The following SINHCAF variants were observed in gnomAD, a reference collection of about 807,000 sequenced individuals.
SINHCAF encodes the protein SIN3-HDAC complex-associated factor.
In SINHCAF, 3 loss-of-function variants were observed where a neutral mutation model predicts 25.8. That is an observed-to-expected ratio of 0.12 (90% confidence interval 0.05 to 0.30). SINHCAF has a LOEUF of 0.30. Among genes scored for constraint, SINHCAF ranks in the 10% least tolerant of loss-of-function variants. The pLI is 1.00. For synonymous variants in SINHCAF, 70 were observed against 85.5 expected, an observed-to-expected ratio of 0.82 and a Z score of 1.00; for missense variants, 121 against 262.3, an observed-to-expected ratio of 0.46 and a Z score of 3.72.
At chr12:31,311,812 G>C (rs1939282824) in intron 1 of SINHCAF, 6 of 488,234 alleles carry the variant, frequency 1.2e-5, no homozygotes, top group South Asian at 1.1e-4. Context: ...TGGGGTGGTG[G>C]GTCAGACCAA....
At chr12:31,322,756 A>G (rs960074991) in intron 1 of SINHCAF, among the ~76,000 whole-genome samples, 1 of 152,212 alleles carries the variant, frequency 6.6e-6, no homozygotes, top group African/African-American at 2.4e-5. Context: ...ATTATTTCCT[A>G]GTAATGATCA....
Position 31,298,919 on chromosome 12 carries a change from C to G in SINHCAF, c.-20-695G>C, listed in dbSNP as rs114555136. Among the ~76,000 whole-genome samples the G allele has an allele frequency of 3.5e-3, 526 of 152,276 alleles. 5 individuals carry two copies. Among genetic ancestry groups the G allele is most frequent in the African/African-American group, 0.012 (500 of 41,544 alleles). On this transcript the variant is annotated intron_variant, in intron 1 of 5. Transcript: ENST00000337682. Reference sequence around the variant, plus strand: ...GAGCTCATGTTGTCTGACCGCTGATCTGCCCCTTAGTTGTTAGAGGTTTGT... The same window carrying G: ...GAGCTCATGTTGTCTGACCGCTGATGTGCCCCTTAGTTGTTAGAGGTTTGT...
At chr12:31,283,600 C>T (rs1937901097) in intron 5 of SINHCAF, among the ~76,000 whole-genome samples, 1 of 150,394 alleles carries the variant, frequency 6.6e-6, no homozygotes, top group South Asian at 2.1e-4. Context: ...AAAACTCTGT[C>T]TCAAAAAAAA....
chr12:31,292,607 T>C (rs1286184850), intron 4 of SINHCAF, among the ~76,000 whole-genome samples: 1 of 152,162 alleles, frequency 6.6e-6, no homozygotes, highest in Non-Finnish European at 1.5e-5. Flanking sequence ...AGTGTATAAT[T>C]AAAATACATA....
At chr12:31,319,325 G>C (rs975237084) in intron 1 of SINHCAF, among the ~76,000 whole-genome samples, 2 of 152,124 alleles carry the variant, frequency 1.3e-5, no homozygotes, top group Non-Finnish European at 2.9e-5. Context: ...TCAGGAGTTC[G>C]AGACCAGTCT....
At chr12:31,307,944 T>C (rs1353850824) in intron 1 of SINHCAF, among the ~76,000 whole-genome samples, 5 of 151,930 alleles carry the variant, frequency 3.3e-5, no homozygotes, top group South Asian at 4.1e-4. Context: ...GGGGCATTTA[T>C]TAACCTTTTA....
At chr12:31,308,309 G>A (rs1592979913) in intron 1 of SINHCAF, among the ~76,000 whole-genome samples, 1 of 152,102 alleles carries the variant, frequency 6.6e-6, no homozygotes, top group South Asian at 2.1e-4. Context: ...GATCAGGCTG[G>A]TCATTCTTTA....
At chr12:31,287,529 G>C in intron 5 of SINHCAF, 105 bp downstream of exon 5, 1 of 806,798 alleles carries the variant, frequency 1.2e-6, no homozygotes, top group Non-Finnish European at 1.9e-6. Flanking sequence ...GCAATCGTGT[G>C]TTACCAACTG....
At chr12:31,293,678 A>G in intron 4 of SINHCAF, 127 bp downstream of exon 4, 1 of 714,052 alleles carries the variant, frequency 1.4e-6, no homozygotes, top group East Asian at 3.0e-5. Flanking sequence ...TACCAAGTCA[A>G]CGTTGCCTTC....
chr12:31,304,212 C>T (rs908667701), intron 1 of SINHCAF: 1 of 151,852 alleles, frequency 6.6e-6, no homozygotes, highest in African/African-American at 2.4e-5. Flanking sequence ...GGGTGTGGCC[C>T]AATGCCACAT....
rs141409587 is a variant in SINHCAF, at chr12:31,314,141, G to GTCACT, written c.-21+11882_-21+11883insAGTGA. Among the ~76,000 whole-genome samples, 464 of 152,164 alleles carry GTCACT rather than the reference G, an allele frequency of 3.0e-3. 1 individual carries two copies. Among genetic ancestry groups the GTCACT allele is most frequent in the African/African-American group, 0.011 (449 of 41,514 alleles). On this transcript the variant is annotated intron_variant, in intron 1 of 5. Transcript: ENST00000337682. ...AACAAGAGCAGGGGCCTTTGGAGCC[G>GTCACT]TGTTTCCTGTCACAGTCTAACAAGT... is the stretch of plus-strand genomic sequence containing the variant.
chr12:31,283,562 C>T (rs1301021122), intron 5 of SINHCAF, among the ~76,000 whole-genome samples: 1 of 151,844 alleles, frequency 6.6e-6, no homozygotes, highest in African/African-American at 2.4e-5. Flanking sequence ...GAAATCACAC[C>T]ACTGCACTCT....
At chr12:31,285,172 G>A (rs1318797080) in intron 5 of SINHCAF, among the ~76,000 whole-genome samples, 1 of 152,120 alleles carries the variant, frequency 6.6e-6, no homozygotes, top group Non-Finnish European at 1.5e-5. Flanking sequence ...CAGATCACCT[G>A]AGGTCAGGAG....
intron 2 of SINHCAF, among the ~76,000 whole-genome samples, chr12:31,297,467 ATTTTTTT>A (rs777087270): frequency 2.9e-5 from 3 of 103,422 alleles, no homozygotes; most frequent in South Asian, 3.0e-4. Context: ...GTCAAGCGTA[ATTTTTTT>A]TTTTTTTTTT....
intron 1 of SINHCAF, among the ~76,000 whole-genome samples, chr12:31,305,458 T>C (rs1057405789): frequency 2.6e-5 from 4 of 152,072 alleles, no homozygotes; most frequent in East Asian, 1.9e-4. Context: ...TACAATTTCA[T>C]GAGAAGAGAG....
At position 31,325,956 on chromosome 12, in the gene SINHCAF, A is replaced by G. The variant is rs1939960748; in HGVS notation, c.-21+68T>C. 1 of 151,928 alleles carries G rather than the reference A, an allele frequency of 6.6e-6. No individual in the cohort carries two copies. Among genetic ancestry groups the G allele is most frequent in the African/African-American group, 2.4e-5 (1 of 41,350 alleles). 9.4% of individuals were successfully genotyped at this position (151,928 alleles called of 1,614,324 possible). On this transcript the variant is annotated intron_variant, in intron 1 of 5. Transcript: ENST00000337682. The surrounding 1 kb of genome is among the most constrained non-coding windows in gnomAD (Gnocchi z 5.9). Reference sequence around the variant, plus strand: ...AGGTGGGTGGAGGTGAAAAGAGAAAAAAAAAAACACTGAAATCAAAGCCTC... The same window carrying G: ...AGGTGGGTGGAGGTGAAAAGAGAAAGAAAAAAACACTGAAATCAAAGCCTC...
intron 1 of SINHCAF, chr12:31,311,836 G>A: frequency 2.1e-6 from 1 of 480,354 alleles, no homozygotes; most frequent in Middle Eastern, 4.9e-4. Flanking sequence ...TGGGAGGAAT[G>A]TTGTCCCAGC....
At chr12:31,283,278 G>C (rs2137064520) in intron 5 of SINHCAF, among the ~76,000 whole-genome samples, 1 of 152,058 alleles carries the variant, frequency 6.6e-6, no homozygotes. Flanking sequence ...TGCTTGAGTG[G>C]TAATTTTTAA....
chr12:31,322,902 G>T (rs1389193253), intron 1 of SINHCAF, among the ~76,000 whole-genome samples: 1 of 152,122 alleles, frequency 6.6e-6, no homozygotes, highest in Non-Finnish European at 1.5e-5. Flanking sequence ...TGTCAAACCA[G>T]CATAATTTTT....
Sources: allele counts gnomAD v4.1 joint callset (sites outside exome capture counted in the v4.1 genomes callset), GRCh38; gene constraint gnomAD v4.1.1; non-coding constraint Gnocchi (gnomAD v3.1); transcripts MANE v1.5; gene names NCBI Gene and HGNC (gene_info 2026-07-23, HGNC 2026-07-21).